PLA2G4A: variants seen among roughly 807,000 people sequenced by gnomAD.
PLA2G4A encodes the protein phospholipase A2 group IVA.
PLA2G4A carries 40 observed loss-of-function variants against 81.9 expected under a neutral mutation model. The ratio of observed to expected loss-of-function variants is 0.49; its 90% CI spans 0.38 to 0.64. PLA2G4A has a LOEUF of 0.64. Among genes scored for constraint, PLA2G4A ranks in the 30% least tolerant of loss-of-function variants. The pLI, the probability that PLA2G4A is intolerant of heterozygous loss-of-function variation, is 0.00. For missense variants in PLA2G4A, 715 were observed against 905.1 expected (o/e 0.79, Z 2.69); for synonymous variants, 302 against 296.9 (o/e 1.02, Z -0.18).
intron 17 of PLA2G4A, among the ~76,000 whole-genome samples, chr1:186,982,713 CAG>C (rs756993237): frequency 3.1e-4 from 47 of 151,976 alleles, no homozygotes; most frequent in Non-Finnish European, 6.2e-4. Context: ...GTTTCATAAA[CAG>C]ATAAAATTTT....
At chr1:186,985,927 A>G (rs1657877878) in intron 17 of PLA2G4A, among the ~76,000 whole-genome samples, 1 of 152,220 alleles carries the variant, frequency 6.6e-6, no homozygotes, top group African/African-American at 2.4e-5. Context: ...TTTTGAATAT[A>G]TGTAGTTGTA....
chr1:186,972,949 A>T (rs144011941), intron 15 of PLA2G4A, among the ~76,000 whole-genome samples: 1 of 152,308 alleles, frequency 6.6e-6, no homozygotes, highest in Non-Finnish European at 1.5e-5. Flanking sequence ...TAGAATCTCC[A>T]CATATTATTC....
chr1:186,892,938 A>T, intron 3 of PLA2G4A, 73 bp from the exon 4 acceptor site: 1 of 1,035,226 alleles, frequency 9.7e-7, no homozygotes, highest in Admixed American at 1.7e-5. Flanking sequence ...AACTGACAAC[A>T]TATATTAATA....
intron 5 of PLA2G4A, among the ~76,000 whole-genome samples, chr1:186,896,582 T>G (rs1416764025): frequency 6.6e-6 from 1 of 152,224 alleles, no homozygotes; most frequent in Non-Finnish European, 1.5e-5. Context: ...TTTCTTCACT[T>G]TAGTTCATGA....
At chr1:186,973,258 A>G (rs2102289131) in intron 15 of PLA2G4A, among the ~76,000 whole-genome samples, 1 of 152,258 alleles carries the variant, frequency 6.6e-6, no homozygotes, top group South Asian at 2.1e-4. Context: ...TGCCTTTTCC[A>G]GCTTTTGGTG....
intron 5 of PLA2G4A, among the ~76,000 whole-genome samples, chr1:186,897,181 G>A (rs1050754157): frequency 6.6e-5 from 10 of 152,258 alleles, no homozygotes; most frequent in African/African-American, 1.9e-4. Context: ...TCATCCAAAC[G>A]TTAATACTGA....
intron 1 of PLA2G4A, among the ~76,000 whole-genome samples, chr1:186,840,462 C>A (rs1488404427): frequency 2.0e-5 from 3 of 152,176 alleles, no homozygotes. Context: ...AGTTCAGGAA[C>A]TGTAGAATGC....
At position 186,940,884 on chromosome 1, in the gene PLA2G4A, A is replaced by G. The variant is rs1382432114; in HGVS notation, c.1033+790A>G. 2.0e-5 allele frequency among the ~76,000 whole-genome samples: 3 copies of G among 152,154 alleles called. No homozygotes were observed. The East Asian group carries it at 5.8e-4, about 29-fold the overall frequency. ...TATAATTCAGCACCTAAAAAGTTCT[A>G]GTGTATATTTGTAGTGGTTGATGAA... On this transcript the variant is annotated intron_variant, in intron 10 of 17. Transcript: ENST00000367466.
chr1:186,837,654 G>C (rs1651830611), intron 1 of PLA2G4A, among the ~76,000 whole-genome samples: 1 of 143,480 alleles, frequency 7.0e-6, no homozygotes, highest in South Asian at 2.2e-4. Context: ...GGAGAATGGC[G>C]TGAACCCAGG....
intron 12 of PLA2G4A, among the ~76,000 whole-genome samples, chr1:186,949,561 T>A (rs1224679481): frequency 6.6e-6 from 1 of 152,178 alleles, no homozygotes; most frequent in Non-Finnish European, 1.5e-5. Flanking sequence ...CTATTGATGA[T>A]AGCCATGAAA....
At chr1:186,866,027 T>C (rs1653015013) in intron 2 of PLA2G4A, among the ~76,000 whole-genome samples, 1 of 152,200 alleles carries the variant, frequency 6.6e-6, no homozygotes, top group African/African-American at 2.4e-5. Context: ...AATTGAAATA[T>C]GACATCTCTC....
At chr1:186,861,116 C>A (rs1652781062) in intron 2 of PLA2G4A, among the ~76,000 whole-genome samples, 1 of 152,112 alleles carries the variant, frequency 6.6e-6, no homozygotes, top group Admixed American at 6.6e-5. Flanking sequence ...TCCGTCAGGC[C>A]CCTGGGGACA....
intron 14 of PLA2G4A, among the ~76,000 whole-genome samples, chr1:186,957,615 C>T (rs573254527): frequency 1.5e-3 from 225 of 152,332 alleles, no homozygotes; most frequent in African/African-American, 5.0e-3. Context: ...TTGAGTAAGC[C>T]AGCCTGTAGT....
chr1:186,914,570 G>T (rs61810995), intron 7 of PLA2G4A, among the ~76,000 whole-genome samples: 6,009 of 152,100 alleles, frequency 0.04, 168 homozygotes, highest in Non-Finnish European at 0.059. Flanking sequence ...CAAGCAGGGG[G>T]TACATGACTG....
chr1:186,962,656 G>A (rs1219721888), intron 14 of PLA2G4A, among the ~76,000 whole-genome samples: 3 of 152,054 alleles, frequency 2.0e-5, no homozygotes, highest in South Asian at 2.1e-4. Context: ...GAGTAGCTGG[G>A]ACTACAGGCG....
intron 1 of PLA2G4A, among the ~76,000 whole-genome samples, chr1:186,836,812 A>G (rs1397746745): frequency 6.6e-6 from 1 of 152,240 alleles, no homozygotes; most frequent in Non-Finnish European, 1.5e-5. Flanking sequence ...GTGGAGACAG[A>G]TAATAAGTAT....
Position 186,932,953 on chromosome 1 carries a change from C to A in PLA2G4A, c.695+54C>A. ...ATAACTTTAAATATTTAGGATTTAT[C>A]TAACTCAAGCACTAGAAGAGAAAAG... is the stretch of plus-strand genomic sequence containing the variant. On this transcript the variant is annotated intron_variant, in intron 8 of 17. Transcript: ENST00000367466. The A allele has an allele frequency of 2.4e-6, 3 of 1,266,152 alleles. No homozygotes were observed. The South Asian group carries it at 3.7e-5, about 15-fold the overall frequency. The allele number at this position is 1,266,152 out of a possible 1,614,324, so 78.4% of individuals were successfully genotyped here. A position where few individuals can be genotyped will look rare whatever the true frequency, so the allele number is the denominator to read the frequency against.
chr1:186,930,500 T>C (rs2102198866), intron 7 of PLA2G4A, among the ~76,000 whole-genome samples: 1 of 152,340 alleles, frequency 6.6e-6, no homozygotes, highest in East Asian at 1.9e-4. Context: ...GAGAAGCTCT[T>C]ATGTTCATTT....
intron 15 of PLA2G4A, 131 bp from the exon 16 acceptor site, chr1:186,977,462 C>T (rs1657572362): frequency 4.5e-6 from 3 of 668,946 alleles, no homozygotes; most frequent in South Asian, 1.7e-5. Flanking sequence ...AGAACAGGGT[C>T]GTGATTCATC....
Sources: allele counts gnomAD v4.1 joint callset (sites outside exome capture counted in the v4.1 genomes callset), GRCh38; gene constraint gnomAD v4.1.1; transcripts MANE v1.5; gene names NCBI Gene and HGNC (gene_info 2026-07-23, HGNC 2026-07-21).